The following NUP43 variants were observed in gnomAD, a reference collection of about 807,000 sequenced individuals.
NUP43 encodes the protein nucleoporin 43.
A neutral mutation model predicts 47.3 loss-of-function variants in NUP43; 32 were observed. That is an observed-to-expected ratio of 0.68 (90% CI 0.51 to 0.91). The LOEUF (loss-of-function observed/expected upper bound fraction) is 0.91. Among genes scored for constraint, NUP43 ranks in the 40% least tolerant of loss-of-function variants. NUP43 has a pLI of 0.00. For synonymous variants in NUP43, 147 were observed against 158.4 expected (o/e 0.93, Z 0.54); for missense variants, 444 against 453.9 (o/e 0.98, Z 0.20).
chr6:149,742,575 G>A lies in NUP43; in HGVS notation c.322-5C>T, dbSNP rs559427132. 2 of 1,611,682 alleles carry A rather than the reference G, an allele frequency of 1.2e-6. No individual in the cohort carries two copies. Among genetic ancestry groups the A allele is most frequent in the African/African-American group, 2.7e-5 (2 of 75,008 alleles). On this transcript the variant is annotated splice_region_variant and splice_polypyrimidine_tract_variant and intron_variant, in intron 3 of 7. Transcript: ENST00000340413. ...CTGCTGGTTGACTGACAGAGTCTAG[G>A]CATCAGAAATGAGGATACTATTAAA...
At chr6:149,738,546 G>T in intron 5 of NUP43, 97 bp downstream of exon 5, 1 of 880,924 alleles carries the variant, frequency 1.1e-6, no homozygotes, top group Non-Finnish European at 1.6e-6. Flanking sequence ...CTCTTAAAAT[G>T]CAATTAAAAT....
rs867822251 is a variant in NUP43, at chr6:149,743,834, T to G, written c.244-119A>C. On this transcript the variant is annotated intron_variant, in intron 2 of 7. Coordinates refer to ENST00000340413, the MANE Select transcript of NUP43 (RefSeq NM_198887.3). ...AACAATTTTAAAAAGCAAAGAGCCA[T>G]GAGTGCTAAGGAAATAAAATGTGTT... The G allele has an allele frequency of 1.0e-5, 6 of 602,992 alleles. No homozygotes were observed. In the Middle Eastern group the frequency reaches 2.0e-3, roughly 202 times the overall value. The allele number at this position is 602,992 out of a possible 1,614,324, so 37.4% of individuals were successfully genotyped here. A position where few individuals can be genotyped will look rare whatever the true frequency, so the allele number is the denominator to read the frequency against.
chr6:149,735,846 A>ACG (rs1039420018), intron 6 of NUP43, among the ~76,000 whole-genome samples: 1 of 151,056 alleles, frequency 6.6e-6, no homozygotes, highest in African/African-American at 2.4e-5. Context: ...GGTGACACAC[A>ACG]CCTATAGTCC....
upstream of NUP43, among the ~76,000 whole-genome samples, chr6:149,747,174 T>C (rs1786055087): frequency 6.6e-6 from 1 of 152,230 alleles, no homozygotes; most frequent in South Asian, 2.1e-4. Flanking sequence ...ACACCTATAA[T>C]ATTCTTCCCT....
intron 6 of NUP43, 33 bp from the exon 7 acceptor site, chr6:149,731,768 T>G (rs763002963): frequency 1.0e-5 from 16 of 1,606,720 alleles, no homozygotes; most frequent in Non-Finnish European, 1.4e-5. Flanking sequence ...CTCATTCCTG[T>G]GCAGATTCGC....
intron 6 of NUP43, among the ~76,000 whole-genome samples, chr6:149,735,263 T>C (rs1436661672): frequency 6.6e-6 from 1 of 152,074 alleles, no homozygotes; most frequent in African/African-American, 2.4e-5. Flanking sequence ...TTGCCTAAGC[T>C]GGCCTCAAAC....
chr6:149,729,457 T>A, intron 7 of NUP43: 1 of 894,800 alleles, frequency 1.1e-6, no homozygotes, highest in Non-Finnish European at 1.3e-6. Flanking sequence ...TCCTTCCTGC[T>A]CCAGGTTTCT....
chr6:149,733,197 A>T (rs1452123528), intron 6 of NUP43, among the ~76,000 whole-genome samples: 1 of 152,186 alleles, frequency 6.6e-6, no homozygotes, highest in African/African-American at 2.4e-5. Context: ...AAGAGGCAAT[A>T]TCCAATATTG....
At chr6:149,745,349 C>T (rs1022696942) in intron 2 of NUP43, among the ~76,000 whole-genome samples, 3 of 149,684 alleles carry the variant, frequency 2.0e-5, no homozygotes, top group Admixed American at 2.0e-4. Context: ...GTAGTGAGCT[C>T]AGATCATGCC....
intron 4 of NUP43, among the ~76,000 whole-genome samples, chr6:149,739,497 G>A (rs982082400): frequency 9.9e-5 from 15 of 152,072 alleles, no homozygotes; most frequent in African/African-American, 3.4e-4. Flanking sequence ...ATGTTGGCCA[G>A]GCTGGTCTCG....
At chr6:149,744,221 G>T (rs115382905) in intron 2 of NUP43, among the ~76,000 whole-genome samples, 4,483 of 151,358 alleles carry the variant, frequency 0.03, 238 homozygotes, top group African/African-American at 0.1. Context: ...TTCAAAAAAA[G>T]AATAAAAATT....
rs1440194321 is a variant in NUP43 at position 149,738,837 on chromosome 6, TCTTAAATCACACTC to T, written c.503-73_503-60del. 4.8e-4 allele frequency: 512 copies of T among 1,073,846 alleles called. 4 individuals are homozygous for T. Among genetic ancestry groups the T allele is most frequent in the Non-Finnish European group, 3.2e-5 (25 of 792,178 alleles). The allele number at this position is 1,073,846 out of a possible 1,614,324, so 66.5% of individuals were successfully genotyped here. A position where few individuals can be genotyped will look rare whatever the true frequency, so the allele number is the denominator to read the frequency against. On this transcript the variant is annotated intron_variant, in intron 4 of 7. Coordinates refer to ENST00000340413, the MANE Select transcript of NUP43 (RefSeq NM_198887.3). ...GAGTCCCCTTTTTTTCCCAAGAAAA[TCTTAAATCACACTC>T]CTTTCATGGATTGATATATTACAAT...
rs148474390 is a variant in NUP43 at position 149,734,075 on chromosome 6, C to T, written c.791-2340G>A. ...CTGACCTCAGGTGATCCACCTGCCT[C>T]GGCCTCCCAAAGTGCTGGGATTACA... On this transcript the variant is annotated intron_variant, in intron 6 of 7. Coordinates refer to ENST00000340413, the MANE Select transcript of NUP43 (RefSeq NM_198887.3). 5.3e-3 allele frequency among the ~76,000 whole-genome samples: 801 copies of T among 151,922 alleles called. 9 individuals carry two copies. Among genetic ancestry groups the T allele is most frequent in the African/African-American group, 0.019 (773 of 41,400 alleles).
Position 149,727,087 on chromosome 6 carries a change from A to G in NUP43, c.1025T>C (p.Ile342Thr). ...AGACCTACTGGGAAGTAAGCTTGTG[A>G]TTTCAATTCGGTCTTTTGCAGGATC... ...STDPAKDRIE[I>T]TSLLPSRSLS... The change falls in exon 8 of 8, where the codon ATC (isoleucine) becomes ACC (threonine). Residue 342 changes from isoleucine to threonine, a missense_variant. Coordinates refer to ENST00000340413, the MANE Select transcript of NUP43 (RefSeq NM_198887.3). The G allele has an allele frequency of 6.2e-7, 1 of 1,614,192 alleles. No homozygotes were observed. Among genetic ancestry groups the G allele is most frequent in the African/African-American group, 1.3e-5 (1 of 75,074 alleles).
chr6:149,738,737 G>A lies in NUP43; in HGVS notation c.544C>T (p.Arg182Ter), dbSNP rs778744742. 3.1e-6 allele frequency: 5 copies of A among 1,591,724 alleles called. No homozygotes were observed. The highest frequency in any genetic ancestry group is 1.2e-5 in the South Asian group (1 of 85,284). The change falls in exon 5 of 8, where the codon CGA (arginine) becomes TGA (stop). Residue 182 changes from arginine to a stop codon, truncating the protein, a stop_gained. Coordinates refer to ENST00000340413, the MANE Select transcript of NUP43 (RefSeq NM_198887.3). LOFTEE classifies it high-confidence loss of function. ...TTTACAGTAAGAATCTCAGGAGTTC[G>A]AAGAAAGGTTACAGCATGGAGTGTA... ...SSTLHAVTFL[R>*]TPEILTVNSI...
intron 7 of NUP43, chr6:149,727,555 A>T (rs774457252): frequency 6.2e-5 from 59 of 953,474 alleles, no homozygotes; most frequent in Non-Finnish European, 7.4e-5. Context: ...AAATGTAGGT[A>T]ATACATGGAA....
chr6:149,726,861 T>G lies in NUP43; in HGVS notation c.*108A>C, dbSNP rs1252433608. On this transcript the variant is annotated 3_prime_UTR_variant, in exon 8 of 8. Transcript: ENST00000340413. Reference sequence around the variant, plus strand: ...ATTGACATTAATGGTAGTTTACTGATGTTTCCCCTGCAAATCTCGTATTTT... The same window carrying G: ...ATTGACATTAATGGTAGTTTACTGAGGTTTCCCCTGCAAATCTCGTATTTT... 2 of 791,572 alleles carry G rather than the reference T, an allele frequency of 2.5e-6. No homozygotes were observed. The allele number at this position is 791,572 out of a possible 1,614,324, so 49.0% of individuals were successfully genotyped here. A position where few individuals can be genotyped will look rare whatever the true frequency, so the allele number is the denominator to read the frequency against.
At chr6:149,749,170 T>G (rs1786182742), upstream of NUP43, among the ~76,000 whole-genome samples, 1 of 151,172 alleles carries the variant, frequency 6.6e-6, no homozygotes, top group Non-Finnish European at 1.5e-5. Context: ...GAACCGGGGT[T>G]CCAAAGTCTC....
rs1207377977 is a variant in NUP43 at position 149,746,491 on chromosome 6, T to C, written c.5A>G (p.Glu2Gly). 6.2e-7 allele frequency: 1 copy of C among 1,614,008 alleles called. No homozygotes were observed. The highest frequency in any genetic ancestry group is 1.3e-5 in the African/African-American group (1 of 74,904). The change falls in exon 1 of 8, where the codon GAG becomes GGG. Residue 2 changes from glutamate to glycine, a missense_variant. Coordinates refer to ENST00000340413, the MANE Select transcript of NUP43 (RefSeq NM_198887.3). The part of the protein sequence containing the change: M[E>G]EIYAKFVSQK... ...GGACACAAACTTCGCATAAATTTCCTCCATGCCGAAAGCGGCCGCAGCAGG... is the reference window on the plus strand; with the variant it reads ...GGACACAAACTTCGCATAAATTTCCCCCATGCCGAAAGCGGCCGCAGCAGG...
Sources: gnomAD v4.1 joint callset for allele counts (sites outside exome capture counted in the v4.1 genomes callset) on GRCh38, gnomAD v4.1.1 for gene constraint, MANE v1.5 for transcripts, NCBI Gene and HGNC (gene_info 2026-07-23, HGNC 2026-07-21) for gene names.